The following IDE variants were observed in gnomAD, a reference collection of about 807,000 sequenced individuals.
IDE encodes the protein insulin-degrading enzyme.
A neutral mutation model predicts 133.2 loss-of-function variants in IDE; 58 were observed. The ratio of observed to expected loss-of-function variants is 0.44; its 90% CI spans 0.35 to 0.54. The LOEUF (loss-of-function observed/expected upper bound fraction) is 0.54, where lower values mean the gene tolerates loss of function less well. Ranked by LOEUF, IDE falls within the 20% of genes least tolerant of loss-of-function variation. The probability of loss-of-function intolerance (pLI) is 0.00; values close to 1 mark genes in which losing one functional copy is unlikely to be tolerated. For missense variants in IDE, 981 were observed against 1,234.0 expected (o/e 0.79, Z 3.07); for synonymous variants, 396 against 421.3 (o/e 0.94, Z 0.73).
At chr10:92,562,274 C>G (rs182141251) in intron 1 of IDE, among the ~76,000 whole-genome samples, 3 of 152,264 alleles carry the variant, frequency 2.0e-5, no homozygotes, top group East Asian at 3.9e-4. Context: ...AAAATAAAAG[C>G]AACATCAAGT....
chr10:92,501,361 T>TCAAAA (rs1564627755), intron 11 of IDE, among the ~76,000 whole-genome samples: 3 of 30,914 alleles, frequency 9.7e-5, no homozygotes, highest in African/African-American at 5.7e-4. Flanking sequence ...GACTCTGTCA[T>TCAAAA]TAAAAAAAAA....
intron 1 of IDE, among the ~76,000 whole-genome samples, chr10:92,563,755 A>G (rs1221179517): frequency 6.6e-6 from 1 of 151,180 alleles, no homozygotes; most frequent in Non-Finnish European, 1.5e-5. Context: ...CTCCGTCTCA[A>G]AAAAAAAAGA....
chr10:92,570,424 A>C (rs964110940), intron 1 of IDE, among the ~76,000 whole-genome samples: 1 of 152,172 alleles, frequency 6.6e-6, no homozygotes, highest in African/African-American at 2.4e-5. Flanking sequence ...ATAATGTCTA[A>C]ACTAACAGAA....
At chr10:92,556,189 A>AAT (rs1441275704) in intron 1 of IDE, among the ~76,000 whole-genome samples, 1 of 151,006 alleles carries the variant, frequency 6.6e-6, no homozygotes, top group Non-Finnish European at 1.5e-5. Context: ...CAAAAAAAAA[A>AAT]AAAAAAAAAA....
At chr10:92,495,213 C>T (rs1257220222) in intron 11 of IDE, among the ~76,000 whole-genome samples, 1 of 129,208 alleles carries the variant, frequency 7.7e-6, no homozygotes, top group Non-Finnish European at 1.6e-5. Context: ...ACATCACACT[C>T]GGCTTTTTTT....
chr10:92,566,192 CA>C (rs5787005), intron 1 of IDE, among the ~76,000 whole-genome samples: 73,024 of 126,886 alleles, frequency 0.58, 20,512 homozygotes, highest in African/African-American at 0.8. Flanking sequence ...CCTGTCTCTA[CA>C]AAAAAAAAAA....
chr10:92,472,034 T>C (rs1845994363), intron 17 of IDE, among the ~76,000 whole-genome samples: 1 of 152,170 alleles, frequency 6.6e-6, no homozygotes, highest in Non-Finnish European at 1.5e-5. Flanking sequence ...AGCTGAATGA[T>C]TTAGAGTCAC....
chr10:92,557,229 C>A (rs1366695788), intron 1 of IDE, among the ~76,000 whole-genome samples: 1 of 152,044 alleles, frequency 6.6e-6, no homozygotes, highest in African/African-American at 2.4e-5. Context: ...GTGGTACTGG[C>A]ATCAGGATAA....
intron 5 of IDE, among the ~76,000 whole-genome samples, chr10:92,514,025 T>G (rs2135565056): frequency 6.6e-6 from 1 of 152,296 alleles, no homozygotes; most frequent in South Asian, 2.1e-4. Context: ...ATTTAGCCAA[T>G]CTCCTATTAA....
At chr10:92,471,486 A>C (rs911954070) in intron 17 of IDE, among the ~76,000 whole-genome samples, 1 of 152,234 alleles carries the variant, frequency 6.6e-6, no homozygotes, top group African/African-American at 2.4e-5. Context: ...AGTAAATTGC[A>C]GAGCTGGGAT....
chr10:92,478,983 A>C (rs1190771281), intron 15 of IDE, among the ~76,000 whole-genome samples: 1 of 152,218 alleles, frequency 6.6e-6, no homozygotes, highest in Non-Finnish European at 1.5e-5. Flanking sequence ...CAAATACAGA[A>C]TGGGTAAGAG....
chr10:92,496,502 C>G (rs1329203843), intron 11 of IDE, among the ~76,000 whole-genome samples: 1 of 152,070 alleles, frequency 6.6e-6, no homozygotes, highest in East Asian at 1.9e-4. Context: ...AACCACCTCT[C>G]TAGCCAGGTG....
chr10:92,526,317 A>G (rs1476316350), intron 4 of IDE, among the ~76,000 whole-genome samples: 1 of 152,126 alleles, frequency 6.6e-6, no homozygotes, highest in Non-Finnish European at 1.5e-5. Context: ...CTATCTACAG[A>G]TTCAATGCAA....
intron 12 of IDE, among the ~76,000 whole-genome samples, chr10:92,487,535 T>A (rs1013318430): frequency 1.3e-5 from 2 of 152,206 alleles, no homozygotes; most frequent in African/African-American, 4.8e-5. Context: ...CACTCATATA[T>A]CTACTCTTCC....
intron 21 of IDE, 143 bp from the exon 22 acceptor site, chr10:92,461,395 C>T (rs746737344): frequency 2.5e-5 from 12 of 483,132 alleles, no homozygotes; most frequent in Non-Finnish European, 4.5e-5. Context: ...CACTCTGTCA[C>T]CCACGCTGGA....
intron 4 of IDE, among the ~76,000 whole-genome samples, chr10:92,519,026 T>A (rs1849074291): frequency 6.6e-6 from 1 of 152,098 alleles, no homozygotes; most frequent in African/African-American, 2.4e-5. Context: ...GTATGACAAC[T>A]ACATCATAAA....
At chr10:92,475,563 G>C (rs1328166129) in intron 16 of IDE, among the ~76,000 whole-genome samples, 1 of 152,120 alleles carries the variant, frequency 6.6e-6, no homozygotes, top group Admixed American at 6.5e-5. Flanking sequence ...GTGTTCTTCT[G>C]AACTAGAGGT....
At chr10:92,510,231 T>A (rs1337329178) in intron 5 of IDE, 69 bp from the exon 6 acceptor site, 2 of 758,492 alleles carry the variant, frequency 2.6e-6, no homozygotes, top group Non-Finnish European at 4.4e-6. Context: ...GTGCTTAAAA[T>A]CTTAGGATCT....
chr10:92,545,861 G>C (rs964166801), intron 1 of IDE, among the ~76,000 whole-genome samples: 7 of 152,128 alleles, frequency 4.6e-5, no homozygotes, highest in Non-Finnish European at 1.5e-5. Flanking sequence ...ATTTGGTATG[G>C]GTACAACCAT....
Sources: gnomAD v4.1 joint callset for allele counts (sites outside exome capture counted in the v4.1 genomes callset) on GRCh38, gnomAD v4.1.1 for gene constraint, MANE v1.5 for transcripts, NCBI Gene and HGNC (gene_info 2026-07-23, HGNC 2026-07-21) for gene names.